TGM4: variants seen among roughly 807,000 people sequenced by gnomAD.
The protein encoded by TGM4 is protein-glutamine gamma-glutamyltransferase 4.
A neutral mutation model predicts 76.3 loss-of-function variants in TGM4; 61 were observed. That is an observed-to-expected ratio of 0.80 (90% CI 0.65 to 0.99). TGM4 has a LOEUF of 0.99. Ranked by LOEUF, TGM4 falls within the 50% of genes least tolerant of loss-of-function variation. TGM4 has a pLI of 0.00. For synonymous variants in TGM4, 337 were observed against 329.8 expected, an observed-to-expected ratio of 1.02 and a Z score of -0.24; for missense variants, 794 against 843.2, an observed-to-expected ratio of 0.94 and a Z score of 0.72.
At chr3:44,879,076 T>C (rs951634744) in intron 1 of TGM4, among the ~76,000 whole-genome samples, 8 of 152,012 alleles carry the variant, frequency 5.3e-5, no homozygotes, top group African/African-American at 1.9e-4. Flanking sequence ...TATTTGCTGT[T>C]TAACCTGTGA....
rs767863834 is a variant in TGM4 at position 44,874,693 on chromosome 3, A to C, written c.15A>C (p.Ser5=). MMDA[S]KELQVLHIDF... ...AATCTGAAGGGATGATGGATGCATC[A>C]AAAGGTGAGTGGGTGAAATCTCCAT... The change falls in exon 1 of 14, where the codon TCA becomes TCC. Residue 5 remains serine (S), a synonymous_variant. Transcript: ENST00000296125. 6.2e-7 allele frequency: 1 copy of C among 1,614,036 alleles called. No homozygotes were observed. Among genetic ancestry groups the C allele is most frequent in the African/African-American group, 1.3e-5 (1 of 74,928 alleles).
chr3:44,907,025 C>T lies in TGM4; in HGVS notation c.1152C>T (p.Phe384=), dbSNP rs138265891. 353 of 1,614,090 alleles carry T rather than the reference C, an allele frequency of 2.2e-4. 3 individuals are homozygous for T. Among genetic ancestry groups the T allele is most frequent in the Middle Eastern group, 1.5e-3 (9 of 6,062 alleles). Residue 384 remains phenylalanine (F), a synonymous_variant, in exon 10 of 14, where the codon TTC becomes TTT. Transcript: ENST00000296125. ...GDIFIVYDTR[F]VFSEVNGDRL... ...TCTTTATTGTCTATGACACCAGATT[C>T]GTCTTCTCAGAAGTGAATGGTGACA...
intron 10 of TGM4, 108 bp downstream of exon 10, chr3:44,907,308 ACC>A: frequency 3.4e-6 from 3 of 875,746 alleles, no homozygotes; most frequent in Admixed American, 4.6e-5. Flanking sequence ...CCCCATCCCT[ACC>A]AAAAAAAAAA....
chr3:44,893,239 T>C (rs988309198), intron 4 of TGM4, among the ~76,000 whole-genome samples: 1 of 152,164 alleles, frequency 6.6e-6, no homozygotes, highest in African/African-American at 2.4e-5. Context: ...CCCCTGGCAT[T>C]TCCTGTAGGC....
At chr3:44,893,468 C>G (rs1417805791) in intron 4 of TGM4, 109 bp from the exon 5 acceptor site, 2 of 921,430 alleles carry the variant, frequency 2.2e-6, no homozygotes, top group Non-Finnish European at 3.5e-6. Flanking sequence ...GTGTTCCAAG[C>G]CCCTCACAAA....
At chr3:44,897,090 A>AC (rs1699790177) in intron 6 of TGM4, among the ~76,000 whole-genome samples, 1 of 133,376 alleles carries the variant, frequency 7.5e-6, no homozygotes, top group African/African-American at 2.9e-5. Flanking sequence ...TGCAACCTCC[A>AC]CCCATCCAGG....
intron 9 of TGM4, 34 bp from the exon 10 acceptor site, chr3:44,906,915 C>T (rs2125759178): frequency 6.2e-7 from 1 of 1,604,580 alleles, no homozygotes; most frequent in East Asian, 2.2e-5. Flanking sequence ...CTGGGGAACC[C>T]CACTGAGAGT....
In TGM4 at chr3:44,913,678, C is replaced by T. The variant is rs1700039886; in HGVS notation, c.2008C>T (p.Gln670Ter). ...ATTTATCGTCAAGTTAAGTTCCAAA[C>T]AAGTGAAAGAGATTAATGCTCAGAA... Reference protein sequence around the residue: ...KKFIVKLSSKQVKEINAQKIV... With the variant: ...KKFIVKLSSK Residue 670 changes from glutamine to a stop codon, truncating the protein, a stop_gained, in exon 14 of 14, where the codon CAA becomes TAA. Transcript: ENST00000296125. LOFTEE classifies it high-confidence loss of function. 1.9e-6 allele frequency: 3 copies of T among 1,614,216 alleles called. No individual in the cohort carries two copies. The highest frequency in any genetic ancestry group is 1.6e-4 in the Middle Eastern group (1 of 6,062).
intron 1 of TGM4, among the ~76,000 whole-genome samples, chr3:44,878,258 G>A (rs925147457): frequency 1.3e-5 from 2 of 151,608 alleles, no homozygotes; most frequent in African/African-American, 2.4e-5. Context: ...AAAAGAGAGA[G>A]AGAGAGAGAA....
chr3:44,886,109 C>T (rs1471130916), intron 2 of TGM4, among the ~76,000 whole-genome samples: 7 of 151,962 alleles, frequency 4.6e-5, no homozygotes, highest in Non-Finnish European at 8.8e-5. Flanking sequence ...TTTGGGAGGC[C>T]GAGGCAGGCA....
At chr3:44,902,134 C>T (rs1003626261) in intron 8 of TGM4, among the ~76,000 whole-genome samples, 4 of 152,184 alleles carry the variant, frequency 2.6e-5, no homozygotes, top group African/African-American at 9.7e-5. Context: ...TTAGCCCAAG[C>T]CCAGTCTCCA....
At chr3:44,905,114 A>G (rs2125758433) in intron 9 of TGM4, among the ~76,000 whole-genome samples, 1 of 152,116 alleles carries the variant, frequency 6.6e-6, no homozygotes, top group East Asian at 1.9e-4. Flanking sequence ...CCTCCCGAGT[A>G]GCTGGGATTA....
chr3:44,890,830 G>T, intron 4 of TGM4, 98 bp downstream of exon 4: 2 of 1,468,226 alleles, frequency 1.4e-6, no homozygotes, highest in Non-Finnish European at 1.9e-6. Context: ...TGCTCTCAAG[G>T]TACTTGCAAA....
rs1194371772 is a variant in TGM4, at chr3:44,907,015, A to T, written c.1142A>T (p.Asp381Val). 6.2e-7 allele frequency: 1 copy of T among 1,614,116 alleles called. No individual in the cohort carries two copies. The highest frequency in any genetic ancestry group is 8.5e-7 in the Non-Finnish European group (1 of 1,180,028). ...IRKGDIFIVY[D>V]TRFVFSEVNG... is the part of the protein sequence containing the mutation. ...AAAGGTGACATCTTTATTGTCTATG[A>T]CACCAGATTCGTCTTCTCAGAAGTG... is the stretch of plus-strand genomic sequence containing the variant. Residue 381 changes from aspartate to valine, a missense_variant, in exon 10 of 14, where the codon GAC becomes GTC. By Grantham distance (152) the Asp-to-Val change is radical. Transcript: ENST00000296125.
intron 10 of TGM4, 68 bp downstream of exon 10, chr3:44,907,268 T>G: frequency 6.4e-7 from 1 of 1,555,076 alleles, no homozygotes; most frequent in Non-Finnish European, 8.7e-7. Flanking sequence ...ATAGTCAAGA[T>G]TGGGGGTGGG....
intron 11 of TGM4, among the ~76,000 whole-genome samples, 182 bp downstream of exon 11, chr3:44,910,550 G>T (rs914825214): frequency 6.6e-6 from 1 of 152,184 alleles, no homozygotes; most frequent in South Asian, 2.1e-4. Context: ...GAAGAAAAGT[G>T]AGCCAAAGAG....
chr3:44,904,857 T>A (rs557364929), intron 9 of TGM4, among the ~76,000 whole-genome samples: 1 of 151,354 alleles, frequency 6.6e-6, no homozygotes, highest in East Asian at 2.0e-4. Context: ...AATTTTTACA[T>A]TTTTAGTAGA....
chr3:44,894,997 T>C (rs1446337947), intron 5 of TGM4, among the ~76,000 whole-genome samples: 1 of 151,904 alleles, frequency 6.6e-6, no homozygotes, highest in Non-Finnish European at 1.5e-5. Flanking sequence ...TTTCCCCTCT[T>C]AGAAAATCAA....
chr3:44,882,323 A>G (rs953532973), intron 1 of TGM4, among the ~76,000 whole-genome samples: 3 of 152,200 alleles, frequency 2.0e-5, no homozygotes, highest in African/African-American at 7.2e-5. Flanking sequence ...CTCAGGTCAC[A>G]GAGCAGTGCC....
Sources: allele counts gnomAD v4.1 joint callset (sites outside exome capture counted in the v4.1 genomes callset), GRCh38; gene constraint gnomAD v4.1.1; transcripts MANE v1.5; gene names NCBI Gene and HGNC (gene_info 2026-07-23, HGNC 2026-07-21).